The following MLXIPL variants were observed in gnomAD, a reference collection of about 807,000 sequenced individuals.
The protein encoded by MLXIPL is carbohydrate-responsive element-binding protein.
Under a neutral mutation model 81.5 loss-of-function variants are expected in MLXIPL, and 49 were observed. That is an observed-to-expected ratio of 0.60 (90% CI 0.48 to 0.76). MLXIPL has a LOEUF of 0.76. Among genes scored for constraint, MLXIPL ranks in the 30% least tolerant of loss-of-function variants. MLXIPL has a pLI of 0.00. For synonymous variants in MLXIPL, 466 were observed against 485.5 expected (o/e 0.96, Z 0.53); for missense variants, 1,053 against 1,167.0 (o/e 0.90, Z 1.42).
chr7:73,624,750 T>TGG, upstream of MLXIPL, among the ~76,000 whole-genome samples: 1 of 152,036 alleles, frequency 6.6e-6, no homozygotes, highest in Admixed American at 6.6e-5. Context: ...CCTACTTTGC[T>TGG]CCAAAGGGAT....
intron 7 of MLXIPL, among the ~76,000 whole-genome samples, chr7:73,604,797 C>T (rs901145938): frequency 6.6e-6 from 1 of 151,974 alleles, no homozygotes; most frequent in Non-Finnish European, 1.5e-5. Flanking sequence ...CAGAGTCTTG[C>T]TCTGTCACCC....
the MLXIPL span, among the ~76,000 whole-genome samples, chr7:73,629,938 C>T: frequency 3.3e-5 from 5 of 151,986 alleles, no homozygotes; most frequent in South Asian, 1.0e-3. Flanking sequence ...TCCGCAGGAT[C>T]TTCACAACAG....
intron 9 of MLXIPL, 55 bp downstream of exon 9, chr7:73,597,127 C>G: frequency 6.6e-7 from 1 of 1,509,848 alleles, no homozygotes; most frequent in Non-Finnish European, 9.0e-7. Flanking sequence ...CCCCTGTCCT[C>G]CCCACCCCCT....
chr7:73,593,510 C>T lies in MLXIPL; in HGVS notation c.*355G>A. On this transcript the variant is annotated 3_prime_UTR_variant, in exon 17 of 17. Coordinates refer to ENST00000313375, the MANE Select transcript of MLXIPL (RefSeq NM_032951.3). ...TCCTCCTCTTTCCACCGTTGAGCCC[C>T]CGGAGTTGCCAGCCTAGGCCCCCAA... 3.0e-6 allele frequency: 1 copy of T among 331,724 alleles called. No homozygotes were observed. The highest frequency in any genetic ancestry group is 5.9e-6 in the Non-Finnish European group (1 of 168,824). The allele number at this position is 331,724 out of a possible 1,614,324, so 20.5% of individuals were successfully genotyped here.
chr7:73,616,078 A>G lies in MLXIPL; in HGVS notation c.393T>C (p.Tyr131=). Residue 131 remains tyrosine, a synonymous_variant, in exon 2 of 17, where the codon TAT becomes TAC. Coordinates refer to ENST00000313375, the MANE Select transcript of MLXIPL (RefSeq NM_032951.3). Reference sequence around the variant, plus strand: ...CTGGTGGTAGCCACTCACACTGGATATACCAGGCCCTCCAGATGGCGTTGT... The same window carrying G: ...CTGGTGGTAGCCACTCACACTGGATGTACCAGGCCCTCCAGATGGCGTTGT... ...RLNNAIWRAW[Y]IQYVKRRKSP... 1 of 1,613,712 alleles carries G rather than the reference A, an allele frequency of 6.2e-7. No individual in the cohort carries two copies. Among genetic ancestry groups the G allele is most frequent in the Non-Finnish European group, 8.5e-7 (1 of 1,179,712 alleles).
chr7:73,594,554 T>C, intron 15 of MLXIPL, 151 bp from the exon 16 acceptor site: 1 of 277,420 alleles, frequency 3.6e-6, no homozygotes, highest in Non-Finnish European at 6.0e-6. Flanking sequence ...CTACTTCTTC[T>C]TTTTTTTTTT....
chr7:73,625,324 G>A (rs115297605), upstream of MLXIPL, among the ~76,000 whole-genome samples: 1,152 of 151,934 alleles, frequency 7.6e-3, 19 homozygotes, highest in African/African-American at 0.025. Context: ...TCCAACCCCC[G>A]CCCCCCATAT....
intron 1 of MLXIPL, among the ~76,000 whole-genome samples, chr7:73,622,267 G>A (rs1486054634): frequency 1.3e-5 from 2 of 151,962 alleles, no homozygotes; most frequent in East Asian, 3.9e-4. Flanking sequence ...AAGGCAGGTG[G>A]ATCACCTGAG....
chr7:73,628,048 C>T (rs782659245), upstream of MLXIPL, among the ~76,000 whole-genome samples: 1 of 152,024 alleles, frequency 6.6e-6, no homozygotes, highest in East Asian at 1.9e-4. Flanking sequence ...TCTCGAGCAC[C>T]TGGGCTCAAG....
chr7:73,626,675 C>G (rs1225754839), upstream of MLXIPL, among the ~76,000 whole-genome samples: 1 of 152,118 alleles, frequency 6.6e-6, no homozygotes, highest in African/African-American at 2.4e-5. Context: ...CACAGGAGAG[C>G]AAAAACACAC....
At position 73,606,017 on chromosome 7, in the gene MLXIPL, C is replaced by G; in HGVS notation, c.713G>C (p.Gly238Ala). The change falls in exon 6 of 17, where the codon GGT becomes GCT. Residue 238 changes from glycine (G) to alanine (A), a missense_variant. Around this residue, in one of 3 missense-constraint regions of MLXIPL, gnomAD observed 823 missense variants for 933.0 expected, o/e 0.88. Transcript: ENST00000313375. ...VLLGDPEEEP[G>A]GRQLLDLNCF... ...ATTGAGGTCCAGGAGCTGCCGCCCA[C>G]CCGGCTCCTCCTCTGGGTCCCCCAG... The G allele has an allele frequency of 6.3e-7, 1 of 1,587,310 alleles. No homozygotes were observed.
intron 1 of MLXIPL, among the ~76,000 whole-genome samples, chr7:73,618,783 G>A (rs1796144599): frequency 6.6e-6 from 1 of 152,092 alleles, no homozygotes; most frequent in Non-Finnish European, 1.5e-5. Flanking sequence ...CCTGGTGGGG[G>A]ACTCCTGAGT....
chr7:73,619,822 C>G (rs1383963859), intron 1 of MLXIPL, among the ~76,000 whole-genome samples: 1 of 150,326 alleles, frequency 6.7e-6, no homozygotes, highest in African/African-American at 2.4e-5. Flanking sequence ...CCCAGCTACT[C>G]GGGAGGCTGA....
Position 73,593,946 on chromosome 7 carries a change from G to C in MLXIPL, c.2478C>G (p.Thr826=). 1 of 1,614,136 alleles carries C rather than the reference G, an allele frequency of 6.2e-7. No individual in the cohort carries two copies. Among genetic ancestry groups the C allele is most frequent in the Non-Finnish European group, 8.5e-7 (1 of 1,180,028 alleles). The change falls in exon 17 of 17, where the codon ACC becomes ACG. Residue 826 remains threonine (T), a synonymous_variant. Transcript: ENST00000313375. ...LNSLRQLGTS[T]SILTDPGRIP... ...TGCGGCCCGGGTCGGTCAGGATACT[G>C]GTAGATGTGCCCAGCTGGCGTAGGG...
At chr7:73,633,084 T>TTC in the MLXIPL span, among the ~76,000 whole-genome samples, 1 of 141,888 alleles carries the variant, frequency 7.0e-6, no homozygotes, top group African/African-American at 2.6e-5. Flanking sequence ...CCCTACCTTT[T>TTC]TTTTTTTTTT....
At position 73,624,511 on chromosome 7, in the gene MLXIPL, C is replaced by A; in HGVS notation, c.-19G>T. 6.6e-7 allele frequency: 1 copy of A among 1,522,880 alleles called. No homozygotes were observed. Among genetic ancestry groups the A allele is most frequent in the Non-Finnish European group, 8.8e-7 (1 of 1,142,266 alleles). 94.3% of individuals were successfully genotyped at this position (1,522,880 alleles called of 1,614,324 possible). ...CGGCCATGGCTGTCGCCGCCGCAAC[C>A]GCCTGGTCCCTGCTCCGCGCAGCGC... On this transcript the variant is annotated 5_prime_UTR_variant, in exon 1 of 17. Transcript: ENST00000313375.
At chr7:73,607,472 C>G in intron 3 of MLXIPL, 52 bp from the exon 4 acceptor site, 1 of 1,522,218 alleles carries the variant, frequency 6.6e-7, no homozygotes. Flanking sequence ...GCACCGCACA[C>G]CCATCTCCCA....
At chr7:73,606,895 C>A (rs753670793) in intron 5 of MLXIPL, 79 bp downstream of exon 5, 2 of 1,502,754 alleles carry the variant, frequency 1.3e-6, no homozygotes, top group East Asian at 4.7e-5. Flanking sequence ...CCCACTGAGG[C>A]GGAAACTGTC....
At chr7:73,628,412 C>T (rs781962047), upstream of MLXIPL, among the ~76,000 whole-genome samples, 2 of 152,160 alleles carry the variant, frequency 1.3e-5, no homozygotes, top group East Asian at 1.9e-4. Context: ...GAAGCCTAAC[C>T]GCTGAAAAGA....
Sources: gnomAD v4.1 joint callset for allele counts (sites outside exome capture counted in the v4.1 genomes callset) on GRCh38, gnomAD v4.1.1 for gene constraint, gnomAD v4.1.1 regional missense constraint, MANE v1.5 for transcripts, NCBI Gene and HGNC (gene_info 2026-07-23, HGNC 2026-07-21) for gene names.